ADNP: variants seen among roughly 807,000 people sequenced by gnomAD.
ADNP encodes activity dependent neuroprotector homeobox.
Under a neutral mutation model 84.9 loss-of-function variants are expected in ADNP, and 4 were observed. That is an observed-to-expected ratio of 0.05 (90% confidence interval 0.02 to 0.11). The LOEUF (loss-of-function observed/expected upper bound fraction) is 0.11, where lower values mean the gene tolerates loss of function less well. Ranked by LOEUF, ADNP falls within the 10% of genes least tolerant of loss-of-function variation. The probability of loss-of-function intolerance (pLI) is 1.00; values close to 1 mark genes in which losing one functional copy is unlikely to be tolerated. For synonymous variants in ADNP, 554 were observed against 468.1 expected (o/e 1.18, Z -2.37); for missense variants, 1,132 against 1,326.0 (o/e 0.85, Z 2.27).
chr20:50,893,877 C>G lies in ADNP; in HGVS notation c.837G>C (p.Lys279Asn), dbSNP rs769680032. ...CGATCCTTGGTGGGAGTCCCATGCT[C>G]TTCTTGTCTTGAGGTTTGGGAGCAA... ...MLIAPKPQDK[K>N]SMGLPPRIGS... Residue 279 changes from lysine (K) to asparagine (N), a missense_variant, in exon 6 of 6, where the codon AAG (lysine) becomes AAC (asparagine). Lys to Asn is a moderately conservative substitution (Grantham distance 94). This residue lies in a region of ADNP where 239 missense variants were observed against 213.2 expected (regional missense o/e 1.12). Coordinates refer to ENST00000621696, the MANE Select transcript of ADNP (RefSeq NM_001282531.3). The surrounding 1 kb of genome is among the most constrained non-coding windows in gnomAD (Gnocchi z 4.4). The G allele has an allele frequency of 1.2e-6, 2 of 1,613,814 alleles. No homozygotes were observed. The highest frequency in any genetic ancestry group is 2.7e-5 in the African/African-American group (2 of 74,688).
chr20:50,893,621 A>C lies in ADNP; in HGVS notation c.1093T>G (p.Ser365Ala). 6.2e-7 allele frequency: 1 copy of C among 1,614,128 alleles called. No homozygotes were observed. Reference protein sequence around the residue: ...APVSIPQQSQSVKQLLPSGNG... With the variant: ...APVSIPQQSQAVKQLLPSGNG... Reference sequence around the variant, plus strand: ...CCACTTGGAAGTAACTGCTTTACAGACTGAGATTGTTGAGGAATGGAAACT... The same window carrying C: ...CCACTTGGAAGTAACTGCTTTACAGCCTGAGATTGTTGAGGAATGGAAACT... The change falls in exon 6 of 6, where the codon TCT (serine) becomes GCT (alanine). Residue 365 changes from serine to alanine, a missense_variant. By Grantham distance (99) the Ser-to-Ala change is moderately conservative. Around this residue, in one of 10 missense-constraint regions of ADNP, gnomAD observed 239 missense variants for 213.2 expected, o/e 1.12. Transcript: ENST00000621696. This position sits in a 1 kb window ranked among gnomAD's most constrained non-coding sequence, Gnocchi z 4.4.
chr20:50,905,507 T>G (rs936028391), intron 2 of ADNP: 2 of 152,018 alleles, frequency 1.3e-5, no homozygotes, highest in Non-Finnish European at 2.9e-5. Flanking sequence ...TATAAAAAAA[T>G]GGAAAATAAA....
chr20:50,917,383 T>G (rs1983590865), intron 2 of ADNP, among the ~76,000 whole-genome samples: 2 of 152,210 alleles, frequency 1.3e-5, no homozygotes, highest in African/African-American at 4.8e-5. Flanking sequence ...TAAATCACTC[T>G]TACCATCACC....
intron 5 of ADNP, among the ~76,000 whole-genome samples, chr20:50,901,321 T>TAAAAAAAAAA (rs11470054): frequency 1.1e-5 from 1 of 92,758 alleles, no homozygotes; most frequent in African/African-American, 4.1e-5. Context: ...CTGGGGTATT[T>TAAAAAAAAAA]AAAAAAAAAA....
In ADNP at chr20:50,889,966, AAAAAC is replaced by A. The variant is rs749759711; in HGVS notation, c.*1434_*1438del. On this transcript the variant is annotated 3_prime_UTR_variant, in exon 6 of 6. Transcript: ENST00000621696. ...CGAACGTTTAACTTCATCTAGAAGAAAAAACAAACAAAAAACCCATCAGGCTATTA... is the reference window on the plus strand; with the variant it reads ...CGAACGTTTAACTTCATCTAGAAGAAAAACAAAAAACCCATCAGGCTATTA... 1.1e-4 allele frequency: 44 copies of A among 397,720 alleles called. No homozygotes were observed. Among genetic ancestry groups the A allele is most frequent in the Non-Finnish European group, 1.8e-4 (40 of 225,836 alleles). The allele number at this position is 397,720 out of a possible 1,614,324, so 24.6% of individuals were successfully genotyped here. A position where few individuals can be genotyped will look rare whatever the true frequency, so the allele number is the denominator to read the frequency against.
chr20:50,907,644 G>T (rs902106629), intron 2 of ADNP, among the ~76,000 whole-genome samples: 1 of 151,312 alleles, frequency 6.6e-6, no homozygotes, highest in African/African-American at 2.4e-5. Context: ...GTGTAGTGGT[G>T]TAATCATAGC....
At chr20:50,922,533 G>A (rs988353624) in intron 2 of ADNP, among the ~76,000 whole-genome samples, 2 of 150,944 alleles carry the variant, frequency 1.3e-5, no homozygotes, top group Non-Finnish European at 1.5e-5. Context: ...CCACCCTCCA[G>A]GTGTGTTCAA....
intron 5 of ADNP, among the ~76,000 whole-genome samples, chr20:50,897,735 A>G (rs1409634709): frequency 6.6e-6 from 1 of 152,234 alleles, no homozygotes; most frequent in Non-Finnish European, 1.5e-5. Context: ...AGTTGGATCA[A>G]AGAGGTGGTG....
rs2122719304 is a variant in ADNP at position 50,889,651 on chromosome 20, T to A, written c.*1754A>T. 1 of 382,652 alleles carries A rather than the reference T, an allele frequency of 2.6e-6. No individual in the cohort carries two copies. The highest frequency in any genetic ancestry group is 6.7e-4 in the Middle Eastern group (1 of 1,494). 23.7% of individuals were successfully genotyped at this position (382,652 alleles called of 1,614,324 possible). Reference sequence around the variant, plus strand: ...GGACATCAGCCACTTCAGACTTCTTTAGGCCACTATCCTTGAGGTGACTGA... The same window carrying A: ...GGACATCAGCCACTTCAGACTTCTTAAGGCCACTATCCTTGAGGTGACTGA... On this transcript the variant is annotated 3_prime_UTR_variant, in exon 6 of 6. Coordinates refer to ENST00000621696, the MANE Select transcript of ADNP (RefSeq NM_001282531.3).
chr20:50,904,529 T>C (rs1014042457), intron 3 of ADNP: 1 of 152,494 alleles, frequency 6.6e-6, no homozygotes, highest in South Asian at 2.1e-4. Context: ...ATATCTACTA[T>C]ATTTTGAATA....
chr20:50,891,367 A>C lies in ADNP; in HGVS notation c.*38T>G. The stretch of plus-strand genomic sequence containing the variant: ...CAGTCACACTGGATATCAGAGTTCC[A>C]GGCTGCAGCATGTCACCAACGCCAG... On this transcript the variant is annotated 3_prime_UTR_variant, in exon 6 of 6. Coordinates refer to ENST00000621696, the MANE Select transcript of ADNP (RefSeq NM_001282531.3). 6.5e-7 allele frequency: 1 copy of C among 1,543,532 alleles called. No homozygotes were observed. Among genetic ancestry groups the C allele is most frequent in the Non-Finnish European group, 8.7e-7 (1 of 1,150,648 alleles).
At position 50,892,992 on chromosome 20, in the gene ADNP, G is replaced by A. The variant is rs1333941378; in HGVS notation, c.1722C>T (p.Ala574=). The change falls in exon 6 of 6, where the codon GCC becomes GCT. Residue 574 remains alanine, a synonymous_variant. Coordinates refer to ENST00000621696, the MANE Select transcript of ADNP (RefSeq NM_001282531.3). The part of the protein sequence containing the change: ...LLVTTYNLRD[A]PAESVAYHAQ... ...CATGGTAAGCAACAGATTCAGCTGG[G>A]GCATCCCTCAGATTGTATGTAGTTA... 1 of 1,614,188 alleles carries A rather than the reference G, an allele frequency of 6.2e-7. No homozygotes were observed. Among genetic ancestry groups the A allele is most frequent in the South Asian group, 1.1e-5 (1 of 91,086 alleles).
chr20:50,890,034 ATTT>A lies in ADNP; in HGVS notation c.*1368_*1370del. 2 of 337,676 alleles carry A rather than the reference ATTT, an allele frequency of 5.9e-6. No homozygotes were observed. The highest frequency in any genetic ancestry group is 1.1e-5 in the Non-Finnish European group (2 of 190,148). 20.9% of individuals were successfully genotyped at this position (337,676 alleles called of 1,614,324 possible). Reference sequence around the variant, plus strand: ...CAAATTAATGCCAATCCATGTTTACATTTTTTTTTTTATCATTGAGACATTTAC... The same window carrying A: ...CAAATTAATGCCAATCCATGTTTACATTTTTTTTATCATTGAGACATTTAC... On this transcript the variant is annotated 3_prime_UTR_variant, in exon 6 of 6. Coordinates refer to ENST00000621696, the MANE Select transcript of ADNP (RefSeq NM_001282531.3).
intron 2 of ADNP, among the ~76,000 whole-genome samples, chr20:50,906,709 C>T (rs1218057627): frequency 2.0e-5 from 3 of 152,162 alleles, no homozygotes; most frequent in Non-Finnish European, 4.4e-5. Flanking sequence ...CATCTCACTG[C>T]CTGGTAGGTA....
intron 2 of ADNP, chr20:50,905,417 T>C (rs983127739): frequency 6.6e-6 from 1 of 152,182 alleles, no homozygotes; most frequent in African/African-American, 2.4e-5. Flanking sequence ...ACCAATATCA[T>C]CTGTAAATGG....
At chr20:50,915,406 T>A (rs932823114) in intron 2 of ADNP, among the ~76,000 whole-genome samples, 1 of 152,232 alleles carries the variant, frequency 6.6e-6, no homozygotes, top group South Asian at 2.1e-4. Context: ...CAAAAAGGTT[T>A]ATATATTTGC....
Position 50,923,677 on chromosome 20 carries a change from C to A in ADNP, c.-90+4974G>T, listed in dbSNP as rs576641285. 1.6e-4 allele frequency among the ~76,000 whole-genome samples: 24 copies of A among 152,224 alleles called. 1 individual carries two copies. The highest frequency in any genetic ancestry group is 5.8e-4 in the African/African-American group (24 of 41,524). ...AGACTACATGTGAGTGCCACCACAC[C>A]AGGATAACTTTTGTATTTTTAGTAG... On this transcript the variant is annotated intron_variant, in intron 2 of 5. Coordinates refer to ENST00000621696, the MANE Select transcript of ADNP (RefSeq NM_001282531.3).
chr20:50,904,206 T>C, intron 3 of ADNP: 2 of 555,200 alleles, frequency 3.6e-6, no homozygotes, highest in Non-Finnish European at 6.4e-6. Flanking sequence ...CTTCCTTCCT[T>C]TTCTTAAGAC....
In ADNP at chr20:50,890,980, GAA is replaced by G; in HGVS notation, c.*423_*424del. The G allele has an allele frequency of 1.0e-6, 1 of 994,036 alleles. No homozygotes were observed. Among genetic ancestry groups the G allele is most frequent in the East Asian group, 1.1e-4 (1 of 9,124 alleles). The allele number at this position is 994,036 out of a possible 1,614,324, so 61.6% of individuals were successfully genotyped here. On this transcript the variant is annotated 3_prime_UTR_variant, in exon 6 of 6. Coordinates refer to ENST00000621696, the MANE Select transcript of ADNP (RefSeq NM_001282531.3). ...TTTCAACTATTCAGAATGAATACAT[GAA>G]AAAAAATCGCTTTTCCCAAAGTCTA...
Sources: gnomAD v4.1 joint callset for allele counts (sites outside exome capture counted in the v4.1 genomes callset) on GRCh38, gnomAD v4.1.1 for gene constraint, gnomAD v4.1.1 regional missense constraint, Gnocchi (gnomAD v3.1) non-coding constraint, MANE v1.5 for transcripts, NCBI Gene and HGNC (gene_info 2026-07-23, HGNC 2026-07-21) for gene names.